CAMKMT: variants seen among roughly 807,000 people sequenced by gnomAD.
The protein encoded by CAMKMT is CaM KMT.
CAMKMT carries 53 observed loss-of-function variants against 48.0 expected under a neutral mutation model. The ratio of observed to expected loss-of-function variants is 1.10; its 90% CI spans 0.89 to 1.39. The LOEUF (loss-of-function observed/expected upper bound fraction) is 1.39. CAMKMT is among the 40% of genes most tolerant of loss of function. The pLI is 0.00. For missense variants in CAMKMT, 428 were observed against 402.7 expected (o/e 1.06, Z -0.54); for synonymous variants, 165 against 152.3 (o/e 1.08, Z -0.61).
chr2:44,516,098 A>C (rs1299766613), intron 3 of CAMKMT, among the ~76,000 whole-genome samples: 1 of 152,202 alleles, frequency 6.6e-6, no homozygotes, highest in Non-Finnish European at 1.5e-5. Context: ...GAAATGTACC[A>C]GGGGTGCTGA....
At chr2:44,388,481 C>T (rs568801590) in intron 2 of CAMKMT, among the ~76,000 whole-genome samples, 2 of 152,182 alleles carry the variant, frequency 1.3e-5, no homozygotes, top group Non-Finnish European at 2.9e-5. Flanking sequence ...AGCTTAATAA[C>T]TAACCTCCTG....
intron 3 of CAMKMT, among the ~76,000 whole-genome samples, chr2:44,528,066 A>T (rs996530661): frequency 6.6e-6 from 1 of 152,152 alleles, no homozygotes; most frequent in Non-Finnish European, 1.5e-5. Context: ...GTGGGAAGGT[A>T]TTGAGAGATT....
Position 44,668,863 on chromosome 2 carries a change from C to T in CAMKMT, c.377-35420C>T, listed in dbSNP as rs185904143. 3.7e-3 allele frequency among the ~76,000 whole-genome samples: 555 copies of T among 152,034 alleles called. 2 individuals carry two copies. Among genetic ancestry groups the T allele is most frequent in the African/African-American group, 0.013 (532 of 41,484 alleles). ...GTGGTGCAGTCTTGGCTCACTACAA[C>T]CTCTGCCTCCCAGGTTGAAGCAATT... On this transcript the variant is annotated intron_variant, in intron 3 of 10. Coordinates refer to ENST00000378494, the MANE Select transcript of CAMKMT (RefSeq NM_024766.5).
Position 44,704,289 on chromosome 2 carries a change from G to A in CAMKMT, c.383G>A (p.Trp128Ter), listed in dbSNP as rs771702876. The A allele has an allele frequency of 2.5e-6, 4 of 1,610,120 alleles. No individual in the cohort carries two copies. Among genetic ancestry groups the A allele is most frequent in the Non-Finnish European group, 3.4e-6 (4 of 1,177,980 alleles). Reference sequence around the variant, plus strand: ...ATCCTCTTGTGTTTTCTAGGCATCTGGCCATCTGAAGAGGTTTTGGCTTAC... The same window carrying A: ...ATCCTCTTGTGTTTTCTAGGCATCTAGCCATCTGAAGAGGTTTTGGCTTAC... ...SFDNTGNVCI[W>*]PSEEVLAYYC... is the part of the protein sequence containing the mutation. The change falls in exon 4 of 11, where the codon TGG becomes TAG. Residue 128 changes from tryptophan to a stop codon, truncating the protein, a stop_gained. Coordinates refer to ENST00000378494, the MANE Select transcript of CAMKMT (RefSeq NM_024766.5). LOFTEE classifies it high-confidence loss of function.
intron 3 of CAMKMT, among the ~76,000 whole-genome samples, chr2:44,468,414 A>G (rs1449381731): frequency 6.6e-6 from 1 of 152,238 alleles, no homozygotes; most frequent in Non-Finnish European, 1.5e-5. Context: ...ATGTAGATTA[A>G]TACAGCCATT....
intron 3 of CAMKMT, among the ~76,000 whole-genome samples, chr2:44,468,550 C>T (rs1668247244): frequency 6.6e-6 from 1 of 152,148 alleles, no homozygotes; most frequent in Non-Finnish European, 1.5e-5. Flanking sequence ...ATCTGCACTC[C>T]CATGTTTATT....
At chr2:44,713,063 C>T (rs1048299831) in intron 6 of CAMKMT, among the ~76,000 whole-genome samples, 2 of 152,026 alleles carry the variant, frequency 1.3e-5, no homozygotes, top group South Asian at 2.1e-4. Flanking sequence ...ATACTGCTGT[C>T]GAATTTTTTT....
At chr2:44,694,260 A>C (rs753324584) in intron 3 of CAMKMT, among the ~76,000 whole-genome samples, 6 of 152,210 alleles carry the variant, frequency 3.9e-5, no homozygotes, top group Non-Finnish European at 8.8e-5. Flanking sequence ...TTTCCAGATT[A>C]ACTATGAAAC....
At chr2:44,649,767 TG>T (rs2104031227) in intron 3 of CAMKMT, among the ~76,000 whole-genome samples, 1 of 152,366 alleles carries the variant, frequency 6.6e-6, no homozygotes, top group Non-Finnish European at 1.5e-5. Flanking sequence ...CCTGCTCTCC[TG>T]TCCTTACCCT....
intron 3 of CAMKMT, among the ~76,000 whole-genome samples, chr2:44,478,008 C>T (rs1414805029): frequency 6.6e-6 from 1 of 151,958 alleles, no homozygotes; most frequent in Non-Finnish European, 1.5e-5. Context: ...GTTTCAGTGG[C>T]CCTAAAAAAT....
chr2:44,466,636 C>T (rs1023489941), intron 3 of CAMKMT, among the ~76,000 whole-genome samples: 3 of 151,576 alleles, frequency 2.0e-5, no homozygotes, highest in Non-Finnish European at 4.4e-5. Context: ...AATCCCGAAG[C>T]TAGTAGAAGG....
intron 3 of CAMKMT, among the ~76,000 whole-genome samples, chr2:44,518,234 T>C (rs571855064): frequency 6.6e-6 from 1 of 152,330 alleles, no homozygotes; most frequent in African/African-American, 2.4e-5. Context: ...TCTCTCTGGT[T>C]ATTCTAGTCA....
chr2:44,536,797 T>A (rs1374918635), intron 3 of CAMKMT, among the ~76,000 whole-genome samples: 1 of 152,180 alleles, frequency 6.6e-6, no homozygotes, highest in Non-Finnish European at 1.5e-5. Flanking sequence ...AACAGCATGG[T>A]ATCAGTATAA....
intron 3 of CAMKMT, among the ~76,000 whole-genome samples, chr2:44,692,612 C>T (rs999630889): frequency 6.6e-6 from 1 of 152,162 alleles, no homozygotes. Flanking sequence ...TTGTATGTTG[C>T]ATGAATAAAT....
chr2:44,731,297 C>T (rs1022521091), intron 7 of CAMKMT, among the ~76,000 whole-genome samples: 5 of 152,046 alleles, frequency 3.3e-5, no homozygotes, highest in Admixed American at 1.3e-4. Context: ...GCTGAGATTG[C>T]GCCACTGCAC....
intron 3 of CAMKMT, among the ~76,000 whole-genome samples, chr2:44,403,808 G>A (rs1682595213): frequency 6.6e-6 from 1 of 152,030 alleles, no homozygotes; most frequent in Non-Finnish European, 1.5e-5. Context: ...GACTACATAT[G>A]GTTCTTGTCA....
At chr2:44,574,546 G>A (rs1217975122) in intron 3 of CAMKMT, among the ~76,000 whole-genome samples, 2 of 151,868 alleles carry the variant, frequency 1.3e-5, no homozygotes, top group Non-Finnish European at 2.9e-5. Context: ...GAATTAGCTA[G>A]CCCTGAGAGG....
chr2:44,412,060 A>G (rs1157111423), intron 3 of CAMKMT, among the ~76,000 whole-genome samples: 1 of 140,774 alleles, frequency 7.1e-6, no homozygotes. Context: ...TTCAGCCAGG[A>G]CTCTTCTAGG....
At chr2:44,715,259 C>CA (rs1678116476) in intron 6 of CAMKMT, 28 bp from the exon 7 acceptor site, 1 of 1,538,436 alleles carries the variant, frequency 6.5e-7, no homozygotes, top group Non-Finnish European at 9.0e-7. Flanking sequence ...ACAATCAGTG[C>CA]AGATGTTTTC....
Sources: allele counts gnomAD v4.1 joint callset (sites outside exome capture counted in the v4.1 genomes callset), GRCh38; gene constraint gnomAD v4.1.1; transcripts MANE v1.5; gene names NCBI Gene and HGNC (gene_info 2026-07-23, HGNC 2026-07-21).